GRIA2: variants seen among roughly 807,000 people sequenced by gnomAD.
The protein encoded by GRIA2 is glutamate receptor 2.
GRIA2 carries 14 observed loss-of-function variants against 97.3 expected under a neutral mutation model. That is an observed-to-expected ratio of 0.14 (90% confidence interval 0.10 to 0.23). The LOEUF is 0.23. Among genes scored for constraint, GRIA2 ranks in the 10% least tolerant of loss-of-function variants. The pLI, the probability that GRIA2 is intolerant of heterozygous loss-of-function variation, is 1.00. For synonymous variants in GRIA2, 412 were observed against 387.8 expected (o/e 1.06, Z -0.73); for missense variants, 558 against 1,069.8 (o/e 0.52, Z 6.67).
At chr4:157,300,538 G>T (rs1010948583) in intron 2 of GRIA2, among the ~76,000 whole-genome samples, 2 of 151,984 alleles carry the variant, frequency 1.3e-5, no homozygotes, top group Non-Finnish European at 2.9e-5. Flanking sequence ...GAGCACTGTT[G>T]GCCGAATGGC....
intron 3 of GRIA2, among the ~76,000 whole-genome samples, chr4:157,311,625 G>A (rs1734083740): frequency 1.3e-5 from 2 of 151,962 alleles, no homozygotes; most frequent in Non-Finnish European, 2.9e-5. Context: ...TTCACATTAG[G>A]TGAATCCTAC....
chr4:157,356,684 C>T (rs75728647), intron 12 of GRIA2, among the ~76,000 whole-genome samples: 19,130 of 151,960 alleles, frequency 0.13, 1,383 homozygotes, highest in Non-Finnish European at 0.16. Flanking sequence ...TGCTGGATTC[C>T]AAAATTTTAA....
At chr4:157,295,045 A>G (rs1179872432) in intron 2 of GRIA2, among the ~76,000 whole-genome samples, 2 of 152,186 alleles carry the variant, frequency 1.3e-5, no homozygotes, top group Non-Finnish European at 2.9e-5. Context: ...CATCATTAAA[A>G]TTCACATGAG....
chr4:157,287,864 T>G (rs527575080), intron 2 of GRIA2, among the ~76,000 whole-genome samples: 1 of 151,756 alleles, frequency 6.6e-6, no homozygotes, highest in African/African-American at 2.4e-5. Flanking sequence ...ATGAAGACAG[T>G]CTTCAATGTC....
chr4:157,256,195 ATATTACATATATATG>A (rs1176143426), intron 2 of GRIA2, among the ~76,000 whole-genome samples: 68 of 135,690 alleles, frequency 5.0e-4, no homozygotes, highest in African/African-American at 1.8e-3. Context: ...TATATAACAT[ATATTACATATATATG>A]TTATATATAA....
intron 12 of GRIA2, among the ~76,000 whole-genome samples, chr4:157,347,015 C>G (rs887910097): frequency 3.3e-5 from 5 of 152,124 alleles, no homozygotes; most frequent in African/African-American, 1.2e-4. Flanking sequence ...CCCATGATCT[C>G]TGATTTCAGC....
intron 2 of GRIA2, among the ~76,000 whole-genome samples, chr4:157,248,460 G>C (rs1236048838): frequency 6.7e-6 from 1 of 148,688 alleles, no homozygotes; most frequent in South Asian, 2.1e-4. Context: ...CCAACTACTC[G>C]GGAGGGTGAG....
chr4:157,342,497 A>C lies in GRIA2; in HGVS notation c.2043+1035A>C, dbSNP rs1174853751. Reference sequence around the variant, plus strand: ...TAGGTACCTCAATATAAGTGCAAAAATGTGGACCATCAGCAGCTTTTTTTA... The same window carrying C: ...TAGGTACCTCAATATAAGTGCAAAACTGTGGACCATCAGCAGCTTTTTTTA... On this transcript the variant is annotated intron_variant, in intron 12 of 15. Coordinates refer to ENST00000264426, the MANE Select transcript of GRIA2 (RefSeq NM_001083619.3). 4.1e-6 allele frequency: 4 copies of C among 974,618 alleles called. No homozygotes were observed. In the African/African-American group the frequency reaches 7.0e-5, roughly 17 times the overall value. 60.4% of individuals were successfully genotyped at this position (974,618 alleles called of 1,614,324 possible). A position where few individuals can be genotyped will look rare whatever the true frequency, so the allele number is the denominator to read the frequency against.
chr4:157,279,482 A>G (rs189530336), intron 2 of GRIA2, among the ~76,000 whole-genome samples: 1 of 152,228 alleles, frequency 6.6e-6, no homozygotes, highest in East Asian at 1.9e-4. Context: ...TTTTTGGGGA[A>G]GTTGGGTGAT....
At chr4:157,253,076 T>A (rs1731084947) in intron 2 of GRIA2, among the ~76,000 whole-genome samples, 1 of 151,990 alleles carries the variant, frequency 6.6e-6, no homozygotes, top group Admixed American at 6.6e-5. Flanking sequence ...ATTACTATTA[T>A]TATTTTTTAA....
Position 157,364,928 on chromosome 4 carries a change from T to TAA in GRIA2, c.*1498_*1499insAA, listed in dbSNP as rs1412498890. The TAA allele has an allele frequency of 1.3e-5, 2 of 151,654 alleles. No homozygotes were observed. The highest frequency in any genetic ancestry group is 3.0e-5 in the Non-Finnish European group (2 of 67,720). The allele number at this position is 151,654 out of a possible 1,614,324, so 9.4% of individuals were successfully genotyped here. ...TTTGACTAAAGAGCCTATATTTATC[T>TAA]AGTTAATGAATTTAAAGGATCTATC... On this transcript the variant is annotated 3_prime_UTR_variant, in exon 16 of 16. Transcript: ENST00000264426.
rs187115198 is a variant in GRIA2 at position 157,315,015 on chromosome 4, G to A, written c.666+2140G>A. Among the ~76,000 whole-genome samples the A allele has an allele frequency of 1.1e-4, 17 of 152,310 alleles. No individual in the cohort carries two copies. The South Asian group carries it at 1.7e-3, about 15-fold the overall frequency. Reference sequence around the variant, plus strand: ...ATGCAATGTAGTCTAGGACATGGAGGAGAAAGAACCTTTCTTAAAAGGGGA... The same window carrying A: ...ATGCAATGTAGTCTAGGACATGGAGAAGAAAGAACCTTTCTTAAAAGGGGA... On this transcript the variant is annotated intron_variant, in intron 4 of 15. Transcript: ENST00000264426.
intron 2 of GRIA2, among the ~76,000 whole-genome samples, chr4:157,279,313 T>C (rs1187543811): frequency 1.3e-5 from 2 of 152,150 alleles, no homozygotes; most frequent in African/African-American, 2.4e-5. Flanking sequence ...GAAACTTTAT[T>C]GTATATTACT....
At chr4:157,355,632 TTATATATATTTA>T (rs1736229145) in intron 12 of GRIA2, among the ~76,000 whole-genome samples, 1 of 137,308 alleles carries the variant, frequency 7.3e-6, no homozygotes, top group Non-Finnish European at 1.5e-5. Flanking sequence ...ATATATTTAT[TTATATATATTTA>T]TTTATATATT....
intron 2 of GRIA2, among the ~76,000 whole-genome samples, chr4:157,222,167 G>A (rs961329819): frequency 1.3e-5 from 2 of 152,100 alleles, no homozygotes; most frequent in Non-Finnish European, 2.9e-5. Context: ...AGCGCCTGTT[G>A]GCACCCTGCC....
At chr4:157,272,853 T>A (rs1732096673) in intron 2 of GRIA2, among the ~76,000 whole-genome samples, 2 of 152,014 alleles carry the variant, frequency 1.3e-5, no homozygotes, top group Non-Finnish European at 2.9e-5. Flanking sequence ...GAAAGGCACA[T>A]GTGAAGTTCA....
intron 4 of GRIA2, among the ~76,000 whole-genome samples, chr4:157,314,835 C>T (rs905863566): frequency 6.6e-6 from 1 of 151,994 alleles, no homozygotes; most frequent in South Asian, 2.1e-4. Flanking sequence ...CAATGGATGG[C>T]CTCAGCAAAC....
chr4:157,364,615 A>C lies in GRIA2; in HGVS notation c.*1184A>C, dbSNP rs149551305. 3 of 152,216 alleles carry C rather than the reference A, an allele frequency of 2.0e-5. No individual in the cohort carries two copies. The highest frequency in any genetic ancestry group is 7.2e-5 in the African/African-American group (3 of 41,408). The allele number at this position is 152,216 out of a possible 1,614,324, so 9.4% of individuals were successfully genotyped here. On this transcript the variant is annotated 3_prime_UTR_variant, in exon 16 of 16. Coordinates refer to ENST00000264426, the MANE Select transcript of GRIA2 (RefSeq NM_001083619.3). ...AAGTGTTTGAGCTTACAGAAGAGAA[A>C]CATTCATTTTAAATGAAGTAAAAAA...
chr4:157,287,606 T>C (rs916661903), intron 2 of GRIA2, among the ~76,000 whole-genome samples: 1 of 151,712 alleles, frequency 6.6e-6, no homozygotes, highest in Non-Finnish European at 1.5e-5. Context: ...TTTTCCACTA[T>C]GTAAATTGAA....
Sources: allele counts gnomAD v4.1 joint callset (sites outside exome capture counted in the v4.1 genomes callset), GRCh38; gene constraint gnomAD v4.1.1; transcripts MANE v1.5; gene names NCBI Gene and HGNC (gene_info 2026-07-23, HGNC 2026-07-21).